Variants in IL15 observed in about 807,000 individuals in gnomAD.
IL15 encodes interleukin-15.
In IL15, 11 loss-of-function variants were observed where a neutral mutation model predicts 19.6. The ratio of observed to expected loss-of-function variants is 0.56; its 90% CI spans 0.35 to 0.93. The LOEUF (loss-of-function observed/expected upper bound fraction) is 0.93, where lower values mean the gene tolerates loss of function less well. Among genes scored for constraint, IL15 ranks in the 40% least tolerant of loss-of-function variants. The pLI, the probability that IL15 is intolerant of heterozygous loss-of-function variation, is 0.01. For missense variants in IL15, 197 were observed against 186.5 expected, an observed-to-expected ratio of 1.06 and a Z score of -0.33; for synonymous variants, 58 against 59.6, an observed-to-expected ratio of 0.97 and a Z score of 0.12.
At chr4:141,728,883 T>G (rs1730356757) in intron 6 of IL15, among the ~76,000 whole-genome samples, 1 of 152,146 alleles carries the variant, frequency 6.6e-6, no homozygotes, top group South Asian at 2.1e-4. Context: ...ATCCTGAAAT[T>G]GCTTTTTTGC....
At chr4:141,710,634 T>C (rs754743044) in intron 2 of IL15, among the ~76,000 whole-genome samples, 21 of 152,048 alleles carry the variant, frequency 1.4e-4, no homozygotes, top group Non-Finnish European at 2.5e-4. Flanking sequence ...CACATTGTTT[T>C]TTCTGTATAT....
chr4:141,666,385 T>A (rs1456410996), intron 2 of IL15, among the ~76,000 whole-genome samples: 6 of 152,280 alleles, frequency 3.9e-5, no homozygotes, highest in Non-Finnish European at 5.9e-5. Context: ...AGACAGGGTC[T>A]CACTCTCTCA....
intron 7 of IL15, among the ~76,000 whole-genome samples, chr4:141,732,121 G>A (rs1202867625): frequency 6.6e-6 from 1 of 152,160 alleles, no homozygotes; most frequent in Non-Finnish European, 1.5e-5. Flanking sequence ...TATTGTGAGA[G>A]AGGTCTAAAT....
intron 2 of IL15, among the ~76,000 whole-genome samples, chr4:141,692,411 G>T (rs376890611): frequency 5.9e-5 from 9 of 152,208 alleles, no homozygotes; most frequent in African/African-American, 1.9e-4. Flanking sequence ...TCCACAGAAA[G>T]TGGGTTTTTC....
At chr4:141,710,799 T>A (rs936744413) in intron 2 of IL15, among the ~76,000 whole-genome samples, 1 of 152,194 alleles carries the variant, frequency 6.6e-6, no homozygotes, top group Non-Finnish European at 1.5e-5. Context: ...GGTTTTTTTT[T>A]CATAGTTAAA....
chr4:141,666,081 A>ATTTATTATTTATTTAT (rs71586237), intron 2 of IL15, among the ~76,000 whole-genome samples: 6 of 143,390 alleles, frequency 4.2e-5, no homozygotes, highest in South Asian at 4.4e-4. Flanking sequence ...CTTTTTATTT[A>ATTTATTATTTATTTAT]TTATTTATTT....
chr4:141,650,699 G>A (rs771231116), intron 1 of IL15, among the ~76,000 whole-genome samples: 11 of 151,988 alleles, frequency 7.2e-5, no homozygotes, highest in Non-Finnish European at 1.6e-4. Context: ...GAATCTGGTG[G>A]TTCAGGAAAC....
chr4:141,675,547 G>A (rs1468842847), intron 2 of IL15, among the ~76,000 whole-genome samples: 1 of 152,120 alleles, frequency 6.6e-6, no homozygotes, highest in Non-Finnish European at 1.5e-5. Flanking sequence ...TGCAGTTCTC[G>A]AGTATTTGTT....
chr4:141,709,755 T>A (rs1369547779), intron 2 of IL15, among the ~76,000 whole-genome samples: 1 of 152,050 alleles, frequency 6.6e-6, no homozygotes, highest in Non-Finnish European at 1.5e-5. Flanking sequence ...TCTGAGAGGG[T>A]TTTATTTATT....
At chr4:141,706,545 A>C (rs1729522770) in intron 2 of IL15, among the ~76,000 whole-genome samples, 1 of 152,116 alleles carries the variant, frequency 6.6e-6, no homozygotes, top group Non-Finnish European at 1.5e-5. Flanking sequence ...TTATTATAGT[A>C]ATAATGAGCC....
chr4:141,643,684 A>C (rs891490322), intron 1 of IL15, among the ~76,000 whole-genome samples: 9 of 151,926 alleles, frequency 5.9e-5, no homozygotes, highest in African/African-American at 2.2e-4. Flanking sequence ...TAACATGTAA[A>C]TATAGCTGTC....
At chr4:141,670,463 T>C (rs1308077300) in intron 2 of IL15, among the ~76,000 whole-genome samples, 1 of 152,166 alleles carries the variant, frequency 6.6e-6, no homozygotes, top group Non-Finnish European at 1.5e-5. Flanking sequence ...ACCAAATGAA[T>C]GGCACAAACT....
chr4:141,644,981 A>ATTCT (rs58353847), intron 1 of IL15, among the ~76,000 whole-genome samples: 311 of 152,068 alleles, frequency 2.0e-3, no homozygotes, highest in African/African-American at 6.9e-3. Flanking sequence ...TCCTTTTCTC[A>ATTCT]TTCTTTCTTT....
rs181447017 is a variant in IL15 at position 141,699,135 on chromosome 4, C to T, written c.-99-20231C>T. On this transcript the variant is annotated intron_variant, in intron 2 of 7. Coordinates refer to ENST00000320650, the MANE Select transcript of IL15 (RefSeq NM_000585.5). Reference sequence around the variant, plus strand: ...TTAAATTTCCATGTATTTATAAAGTCCTGAGGGTTCCTTTTGGAATTGATT... The same window carrying T: ...TTAAATTTCCATGTATTTATAAAGTTCTGAGGGTTCCTTTTGGAATTGATT... Among the ~76,000 whole-genome samples the T allele has an allele frequency of 4.7e-4, 71 of 152,078 alleles. No homozygotes were observed. In the East Asian group the frequency reaches 0.011, roughly 24 times the overall value.
At chr4:141,722,579 G>A (rs1244942471) in intron 5 of IL15, among the ~76,000 whole-genome samples, 2 of 152,074 alleles carry the variant, frequency 1.3e-5, no homozygotes, top group Non-Finnish European at 2.9e-5. Flanking sequence ...ATTTAAATAG[G>A]ACCAGAGTGT....
At chr4:141,644,603 T>G (rs1273358164) in intron 1 of IL15, among the ~76,000 whole-genome samples, 2 of 152,114 alleles carry the variant, frequency 1.3e-5, no homozygotes, top group Non-Finnish European at 2.9e-5. Context: ...CCATAGCTTA[T>G]CTCGTTATGG....
chr4:141,704,584 A>G, intron 2 of IL15: 2 of 383,316 alleles, frequency 5.2e-6, no homozygotes, highest in South Asian at 2.0e-5. Context: ...GTATTCTCCC[A>G]TCTTCAATTT....
intron 2 of IL15, among the ~76,000 whole-genome samples, chr4:141,696,221 C>A (rs1188319391): frequency 6.6e-6 from 1 of 151,932 alleles, no homozygotes; most frequent in Admixed American, 6.6e-5. Flanking sequence ...TTCTTGGCAC[C>A]CTTGTTGAAT....
intron 2 of IL15, among the ~76,000 whole-genome samples, chr4:141,672,829 T>C (rs1036698404): frequency 6.6e-6 from 1 of 152,218 alleles, no homozygotes; most frequent in African/African-American, 2.4e-5. Context: ...TCTTATCTTT[T>C]GACTTATAGA....
Sources: gnomAD v4.1 joint callset for allele counts (sites outside exome capture counted in the v4.1 genomes callset) on GRCh38, gnomAD v4.1.1 for gene constraint, MANE v1.5 for transcripts, NCBI Gene and HGNC (gene_info 2026-07-23, HGNC 2026-07-21) for gene names.